The following DCAF1 variants were observed in gnomAD, a reference collection of about 807,000 sequenced individuals.
DCAF1 encodes DDB1 and CUL4 associated factor 1.
Under a neutral mutation model 128.0 loss-of-function variants are expected in DCAF1, and 15 were observed. The ratio of observed to expected loss-of-function variants is 0.12; its 90% CI spans 0.08 to 0.18. The LOEUF (loss-of-function observed/expected upper bound fraction) is 0.18, where lower values mean the gene tolerates loss of function less well. DCAF1 is among the 10% of genes least tolerant of loss of function. DCAF1 has a pLI of 1.00. For synonymous variants in DCAF1, 610 were observed against 603.0 expected (o/e 1.01, Z -0.17); for missense variants, 988 against 1,649.5 (o/e 0.60, Z 6.95).
intron 3 of DCAF1, among the ~76,000 whole-genome samples, chr3:51,478,634 GGT>G (rs1441883120): frequency 1.3e-5 from 2 of 151,836 alleles, no homozygotes; most frequent in Non-Finnish European, 2.9e-5. Context: ...TTTAATAGTT[GGT>G]GTTTAATTAT....
intron 5 of DCAF1, among the ~76,000 whole-genome samples, chr3:51,464,771 G>A (rs1577235674): frequency 6.6e-6 from 1 of 152,168 alleles, no homozygotes; most frequent in East Asian, 1.9e-4. Flanking sequence ...CCCCTAGGAG[G>A]GCACAAGACC....
rs184381784 is a variant in DCAF1 at position 51,443,027 on chromosome 3, C to T, written c.513+739G>A. ...GCAAATTACCATGGCACATGTTTAC[C>T]TATGTAATAAACGTGCACATCCTGC... is the stretch of plus-strand genomic sequence containing the variant. On this transcript the variant is annotated intron_variant, in intron 7 of 24. Transcript: ENST00000684031. Among the ~76,000 whole-genome samples, 580 of 152,014 alleles carry T rather than the reference C, an allele frequency of 3.8e-3. 2 individuals are homozygous for T. Among genetic ancestry groups the T allele is most frequent in the Admixed American group, 9.6e-3 (147 of 15,258 alleles).
intron 1 of DCAF1, among the ~76,000 whole-genome samples, chr3:51,499,048 T>C (rs1453085301): frequency 2.0e-5 from 3 of 152,200 alleles, no homozygotes; most frequent in Non-Finnish European, 2.9e-5. Context: ...ACGAGTCATT[T>C]GTGACTCAAA....
intron 3 of DCAF1, among the ~76,000 whole-genome samples, chr3:51,477,061 G>A (rs1705551621): frequency 6.6e-6 from 1 of 151,814 alleles, no homozygotes; most frequent in African/African-American, 2.4e-5. Flanking sequence ...CAGCCTGAGC[G>A]ACAGAGTGAG....
At chr3:51,439,405 GGC>G (rs1701151585) in intron 9 of DCAF1, among the ~76,000 whole-genome samples, 1 of 151,632 alleles carries the variant, frequency 6.6e-6, no homozygotes, top group African/African-American at 2.4e-5. Flanking sequence ...TGGGATTACA[GGC>G]GTGAGCTAAC....
At chr3:51,491,795 A>C (rs1384359429) in intron 2 of DCAF1, among the ~76,000 whole-genome samples, 1 of 152,088 alleles carries the variant, frequency 6.6e-6, no homozygotes, top group Non-Finnish European at 1.5e-5. Context: ...CAGTGAGCTG[A>C]GACAGCGCCA....
chr3:51,503,178 G>A (rs1708859675), upstream of DCAF1, among the ~76,000 whole-genome samples: 1 of 152,134 alleles, frequency 6.6e-6, no homozygotes, highest in Non-Finnish European at 1.5e-5. Context: ...CAAGAAAGAG[G>A]AAGCCCCATC....
At position 51,420,677 on chromosome 3, in the gene DCAF1, G is replaced by A; in HGVS notation, c.2293C>T (p.Leu765=). ...RALACKALVG[L]SRSSTVRQII... ...TGCCGGACAGTGCTACTGCGAGACAGGCCCACTAGGGCTTTGCAGGCCAGG... is the reference window on the plus strand; with the variant it reads ...TGCCGGACAGTGCTACTGCGAGACAAGCCCACTAGGGCTTTGCAGGCCAGG... The change falls in exon 15 of 25, where the codon CTG becomes TTG. Residue 765 remains leucine (L), a synonymous_variant. Transcript: ENST00000684031. The surrounding 1 kb of genome is among the most constrained non-coding windows in gnomAD (Gnocchi z 6.5). The A allele has an allele frequency of 6.2e-7, 1 of 1,614,074 alleles. No individual in the cohort carries two copies. The highest frequency in any genetic ancestry group is 8.5e-7 in the Non-Finnish European group (1 of 1,179,902).
intron 6 of DCAF1, among the ~76,000 whole-genome samples, chr3:51,462,783 A>G (rs948870621): frequency 6.6e-6 from 1 of 151,372 alleles, no homozygotes; most frequent in Non-Finnish European, 1.5e-5. Context: ...CACCCAAACA[A>G]CAAGTATTTG....
Position 51,403,229 on chromosome 3 carries a change from T to C in DCAF1, c.4379A>G (p.Glu1460Gly). ...GDNDFSPSDE[E>G]LANLLEEGED... ...TCCCTCCTCTAGAAGGTTTGCTAGC[T>C]CCTCATCAGAGGGAGAGAAGTCATT... The change falls in exon 24 of 25, where the codon GAG becomes GGG. Residue 1460 changes from glutamate to glycine, a missense_variant. Physicochemically the swap from Glu to Gly is moderately conservative, Grantham distance 98. This residue lies in a region of DCAF1 where 97 missense variants were observed against 134.5 expected (regional missense o/e 0.72). Coordinates refer to ENST00000684031, the MANE Select transcript of DCAF1 (RefSeq NM_001387579.1). The C allele has an allele frequency of 6.2e-7, 1 of 1,613,896 alleles. No homozygotes were observed. Among genetic ancestry groups the C allele is most frequent in the Non-Finnish European group, 8.5e-7 (1 of 1,179,870 alleles).
intron 2 of DCAF1, among the ~76,000 whole-genome samples, chr3:51,491,040 GA>G (rs56102341): frequency 0.72 from 92,838 of 128,164 alleles, 33,343 homozygotes; most frequent in Middle Eastern, 0.82. Flanking sequence ...AACAATCTTG[GA>G]AAAAAAAAAA....
chr3:51,483,727 G>A lies in DCAF1; in HGVS notation c.102C>T (p.Ile34=). The A allele has an allele frequency of 6.2e-7, 1 of 1,612,358 alleles. No individual in the cohort carries two copies. The highest frequency in any genetic ancestry group is 8.5e-7 in the Non-Finnish European group (1 of 1,179,034). The part of the protein sequence containing the change: ...EHGSGQDMVP[I]LTRMSQLIEK... Reference sequence around the variant, plus strand: ...AAAAAAGTTATTCATACCTGGTAAGGATAGGTACCATGTCCTGCCCACTGC... The same window carrying A: ...AAAAAAGTTATTCATACCTGGTAAGAATAGGTACCATGTCCTGCCCACTGC... The change falls in exon 3 of 25, where the codon ATC becomes ATT. Residue 34 remains isoleucine, a synonymous_variant. Coordinates refer to ENST00000684031, the MANE Select transcript of DCAF1 (RefSeq NM_001387579.1).
intron 3 of DCAF1, among the ~76,000 whole-genome samples, chr3:51,476,525 A>T (rs1166951662): frequency 2.6e-5 from 4 of 151,306 alleles, no homozygotes; most frequent in African/African-American, 9.7e-5. Flanking sequence ...GTCTTACAAA[A>T]AAAAAATCCA....
At chr3:51,451,986 TA>T (rs1354576082) in intron 6 of DCAF1, among the ~76,000 whole-genome samples, 2 of 151,912 alleles carry the variant, frequency 1.3e-5, no homozygotes, top group African/African-American at 2.4e-5. Flanking sequence ...TTTCAAGGTT[TA>T]AAAAAAAGTA....
At chr3:51,472,017 C>T (rs1046334136) in intron 3 of DCAF1, among the ~76,000 whole-genome samples, 5 of 152,176 alleles carry the variant, frequency 3.3e-5, no homozygotes, top group African/African-American at 1.2e-4. Flanking sequence ...CCTGGATTAC[C>T]TCTAATGGTC....
intron 3 of DCAF1, among the ~76,000 whole-genome samples, chr3:51,477,839 C>T (rs1222300834): frequency 6.6e-6 from 1 of 152,034 alleles, no homozygotes; most frequent in Non-Finnish European, 1.5e-5. Context: ...TGAACTGATT[C>T]ACTCATTTTC....
At chr3:51,426,594 A>G (rs1699931318) in intron 13 of DCAF1, among the ~76,000 whole-genome samples, 1 of 152,236 alleles carries the variant, frequency 6.6e-6, no homozygotes, top group South Asian at 2.1e-4. Context: ...AAAGCCTTTT[A>G]GAGTTCTCAG....
chr3:51,443,052 C>G (rs918187374), intron 7 of DCAF1, among the ~76,000 whole-genome samples: 2 of 151,428 alleles, frequency 1.3e-5, no homozygotes, highest in African/African-American at 4.9e-5. Flanking sequence ...GCACATCCTG[C>G]AGAAGTACCC....
chr3:51,418,127 T>C lies in DCAF1; in HGVS notation c.3507A>G (p.Val1169=). The C allele has an allele frequency of 1.2e-6, 2 of 1,612,088 alleles. No homozygotes were observed. Among genetic ancestry groups the C allele is most frequent in the Non-Finnish European group, 1.7e-6 (2 of 1,179,134 alleles). Residue 1169 remains valine, a synonymous_variant, in exon 17 of 25, where the codon GTA becomes GTG. Transcript: ENST00000684031. ...AAGCAGATACATACTTCATATCAAA[T>C]ACTGACTTCATTCCCCAAAGTGCAG... is the stretch of plus-strand genomic sequence containing the variant. ...PLSALWGMKS[V]FDMKHSFTED...
Sources: allele counts gnomAD v4.1 joint callset (sites outside exome capture counted in the v4.1 genomes callset), GRCh38; gene constraint gnomAD v4.1.1; regional missense constraint gnomAD v4.1.1; non-coding constraint Gnocchi (gnomAD v3.1); transcripts MANE v1.5; gene names NCBI Gene and HGNC (gene_info 2026-07-23, HGNC 2026-07-21).